SLC24A3: variants seen among roughly 807,000 people sequenced by gnomAD.
SLC24A3 encodes solute carrier family 24 member 3.
SLC24A3 carries 28 observed loss-of-function variants against 75.8 expected under a neutral mutation model. The ratio of observed to expected loss-of-function variants is 0.37; its 90% CI spans 0.27 to 0.51. The LOEUF is 0.51. SLC24A3 is among the 20% of genes least tolerant of loss of function. The probability of loss-of-function intolerance (pLI) is 0.94; values close to 1 mark genes in which losing one functional copy is unlikely to be tolerated. For missense variants in SLC24A3, 663 were observed against 847.8 expected, an observed-to-expected ratio of 0.78 and a Z score of 2.71; for synonymous variants, 372 against 334.1, an observed-to-expected ratio of 1.11 and a Z score of -1.24.
chr20:19,538,202 A>G (rs189169092), intron 3 of SLC24A3, among the ~76,000 whole-genome samples: 1 of 152,248 alleles, frequency 6.6e-6, no homozygotes, highest in East Asian at 1.9e-4. Context: ...AGCCTTGTCT[A>G]TGTCCTGCTA....
At chr20:19,540,342 A>G (rs963417669) in intron 3 of SLC24A3, among the ~76,000 whole-genome samples, 1 of 150,592 alleles carries the variant, frequency 6.6e-6, no homozygotes, top group Non-Finnish European at 1.5e-5. Context: ...CAAGGAACGC[A>G]GGGAGTGGTG....
chr20:19,266,165 A>G (rs1447742702), intron 1 of SLC24A3, among the ~76,000 whole-genome samples: 1 of 152,160 alleles, frequency 6.6e-6, no homozygotes, highest in Non-Finnish European at 1.5e-5. Flanking sequence ...AAAAAAAATG[A>G]TGTCATCAGG....
chr20:19,485,609 A>G (rs1988116356), intron 2 of SLC24A3, among the ~76,000 whole-genome samples: 1 of 152,204 alleles, frequency 6.6e-6, no homozygotes, highest in Admixed American at 6.5e-5. Context: ...TGTAACAAAT[A>G]CATGCATATG....
chr20:19,442,876 G>A (rs935877719), intron 2 of SLC24A3, among the ~76,000 whole-genome samples: 1 of 152,164 alleles, frequency 6.6e-6, no homozygotes, highest in Non-Finnish European at 1.5e-5. Flanking sequence ...TGGGAAAGGT[G>A]TAATGTCAGC....
At chr20:19,221,171 C>T (rs1981700180) in intron 1 of SLC24A3, among the ~76,000 whole-genome samples, 1 of 152,178 alleles carries the variant, frequency 6.6e-6, no homozygotes, top group Non-Finnish European at 1.5e-5. Flanking sequence ...AATCCTCCTG[C>T]CTCAGCCTCC....
intron 3 of SLC24A3, among the ~76,000 whole-genome samples, chr20:19,542,520 T>A (rs3790255): frequency 0.49 from 74,558 of 152,020 alleles, 18,412 homozygotes; most frequent in Non-Finnish European, 0.51. Context: ...GACTGCAAGA[T>A]GAACATTAGA....
intron 15 of SLC24A3, among the ~76,000 whole-genome samples, chr20:19,713,233 G>A (rs1038189322): frequency 6.6e-6 from 1 of 152,290 alleles, no homozygotes; most frequent in South Asian, 2.1e-4. Context: ...AAGCACACGT[G>A]GACATGCCCT....
intron 3 of SLC24A3, among the ~76,000 whole-genome samples, chr20:19,576,031 T>C (rs2122627467): frequency 6.6e-6 from 1 of 152,258 alleles, no homozygotes; most frequent in Middle Eastern, 3.4e-3. Context: ...TGCCATTTGC[T>C]AGCCATGTGT....
chr20:19,346,480 A>T (rs1985432958), intron 2 of SLC24A3, among the ~76,000 whole-genome samples: 1 of 151,044 alleles, frequency 6.6e-6, no homozygotes, highest in African/African-American at 2.4e-5. Flanking sequence ...ACTCAGCCAT[A>T]AAAAGGAATG....
At chr20:19,668,680 C>G (rs183333962) in intron 8 of SLC24A3, among the ~76,000 whole-genome samples, 16 of 152,314 alleles carry the variant, frequency 1.1e-4, no homozygotes, top group African/African-American at 3.4e-4. Context: ...AAGCAGCATT[C>G]TGCAGGAAGT....
At chr20:19,610,753 G>T (rs2031661257) in intron 6 of SLC24A3, among the ~76,000 whole-genome samples, 1 of 152,194 alleles carries the variant, frequency 6.6e-6, no homozygotes. Context: ...ACTTCAGAGT[G>T]GCCACCTGGG....
At chr20:19,279,232 A>G (rs958122070) in intron 1 of SLC24A3, among the ~76,000 whole-genome samples, 19 of 152,238 alleles carry the variant, frequency 1.2e-4, no homozygotes, top group Admixed American at 2.0e-4. Context: ...TGGGTGCACC[A>G]TGTGGCCTTG....
intron 8 of SLC24A3, among the ~76,000 whole-genome samples, chr20:19,666,303 G>A (rs998332989): frequency 6.6e-6 from 1 of 151,798 alleles, no homozygotes. Flanking sequence ...TCAGGAGATC[G>A]AGACCATCCT....
chr20:19,680,664 G>A (rs879616792), intron 9 of SLC24A3, among the ~76,000 whole-genome samples: 13 of 152,194 alleles, frequency 8.5e-5, no homozygotes, highest in South Asian at 2.1e-4. Context: ...GTAACTGCAC[G>A]TTCCTAGAGA....
chr20:19,278,777 G>GA (rs1160814050), intron 1 of SLC24A3, among the ~76,000 whole-genome samples: 1 of 152,110 alleles, frequency 6.6e-6, no homozygotes, highest in Non-Finnish European at 1.5e-5. Context: ...ATTTTTTGGG[G>GA]AAAAAAACCT....
At chr20:19,689,833 C>G (rs746340408) in intron 12 of SLC24A3, among the ~76,000 whole-genome samples, 18 of 152,016 alleles carry the variant, frequency 1.2e-4, no homozygotes, top group Non-Finnish European at 2.6e-4. Context: ...GAGTTGGAGA[C>G]CAGCCTGGCC....
chr20:19,242,543 C>T (rs572657513), intron 1 of SLC24A3: 4 of 152,228 alleles, frequency 2.6e-5, no homozygotes, highest in South Asian at 2.1e-4. Context: ...AGTTGTCGGT[C>T]GTCTCTAAAT....
intron 2 of SLC24A3, among the ~76,000 whole-genome samples, chr20:19,341,966 T>G (rs1431822487): frequency 6.6e-6 from 1 of 152,206 alleles, no homozygotes; most frequent in Admixed American, 6.5e-5. Flanking sequence ...ATACCTATTT[T>G]TGAAGTATTT....
chr20:19,648,625 A>G (rs866689597), intron 6 of SLC24A3, among the ~76,000 whole-genome samples: 4 of 152,080 alleles, frequency 2.6e-5, no homozygotes, highest in Non-Finnish European at 5.9e-5. Context: ...ATATATAAAA[A>G]TAGCTGTATA....
Sources: allele counts gnomAD v4.1 joint callset (sites outside exome capture counted in the v4.1 genomes callset), GRCh38; gene constraint gnomAD v4.1.1; transcripts MANE v1.5; gene names NCBI Gene and HGNC (gene_info 2026-07-23, HGNC 2026-07-21).